Variants in ARHGAP18 observed in about 807,000 individuals in gnomAD.
ARHGAP18 encodes the protein Rho GTPase activating protein 18.
A neutral mutation model predicts 86.2 loss-of-function variants in ARHGAP18; 67 were observed. The ratio of observed to expected loss-of-function variants is 0.78; its 90% CI spans 0.64 to 0.95. The LOEUF (loss-of-function observed/expected upper bound fraction) is 0.95. ARHGAP18 is among the 40% of genes least tolerant of loss of function. The pLI is 0.00. For missense variants in ARHGAP18, 691 were observed against 780.4 expected (o/e 0.89, Z 1.37); for synonymous variants, 283 against 280.4 (o/e 1.01, Z -0.09).
intron 12 of ARHGAP18, among the ~76,000 whole-genome samples, chr6:129,592,006 TA>T (rs367953615): frequency 2.4e-3 from 360 of 152,332 alleles, no homozygotes; most frequent in African/African-American, 8.1e-3. Context: ...CTTAAACTTT[TA>T]TCCAACTCAC....
intron 10 of ARHGAP18, among the ~76,000 whole-genome samples, chr6:129,604,694 CT>C (rs1788817963): frequency 6.6e-6 from 1 of 152,138 alleles, no homozygotes; most frequent in South Asian, 2.1e-4. Flanking sequence ...CTGAGTTGAC[CT>C]CTGTCTCAAA....
intron 7 of ARHGAP18, among the ~76,000 whole-genome samples, chr6:129,614,748 A>AT (rs10556070): frequency 0.01 from 1,357 of 131,530 alleles, 43 homozygotes; most frequent in Admixed American, 0.065. Context: ...GCAGTGACAG[A>AT]TTTTTTTTTT....
intron 5 of ARHGAP18, among the ~76,000 whole-genome samples, chr6:129,623,006 CAAAAAAAAAAAAAA>C (rs57274879): frequency 2.5e-5 from 1 of 39,734 alleles, no homozygotes; most frequent in Non-Finnish European, 6.4e-5. Context: ...CATCTCAAAA[CAAAAAAAAAAAAAA>C]AAAAAAAGGA....
rs577070164 is a variant in ARHGAP18, at chr6:129,608,064, G to GAAAAAAAAAAAAAAAAAA, written c.1123-30_1123-13dup. 1.2e-6 allele frequency: 1 copy of GAAAAAAAAAAAAAAAAAA among 800,210 alleles called. No homozygotes were observed. Among genetic ancestry groups the GAAAAAAAAAAAAAAAAAA allele is most frequent in the African/African-American group, 2.5e-5 (1 of 39,568 alleles). 49.6% of individuals were successfully genotyped at this position (800,210 alleles called of 1,614,324 possible). Reference sequence around the variant, plus strand: ...TCTTGGCAAAGATTCTGATAGGCACGAAAAAAAAAAAAAAAAAAAAAAGAA... The same window carrying GAAAAAAAAAAAAAAAAAA: ...TCTTGGCAAAGATTCTGATAGGCACGAAAAAAAAAAAAAAAAAAAAAAAAAAAAAAAAAAAAAAAAGAA... On this transcript the variant is annotated splice_polypyrimidine_tract_variant and intron_variant, in intron 8 of 14. Coordinates refer to ENST00000368149, the MANE Select transcript of ARHGAP18 (RefSeq NM_033515.3).
intron 1 of ARHGAP18, among the ~76,000 whole-genome samples, chr6:129,687,200 G>C (rs1454543567): frequency 1.3e-5 from 2 of 151,708 alleles, no homozygotes; most frequent in African/African-American, 4.8e-5. Context: ...AGGTATGCAG[G>C]GACCAGTTTC....
At chr6:129,654,729 C>T (rs1773791245) in intron 1 of ARHGAP18, among the ~76,000 whole-genome samples, 1 of 152,224 alleles carries the variant, frequency 6.6e-6, no homozygotes, top group African/African-American at 2.4e-5. Flanking sequence ...TTCCATCCCT[C>T]TGGTTCTCCT....
chr6:129,672,721 A>T (rs183771825), intron 1 of ARHGAP18, among the ~76,000 whole-genome samples: 29 of 152,360 alleles, frequency 1.9e-4, no homozygotes, highest in Middle Eastern at 3.4e-3. Context: ...AATAATGAGG[A>T]TGCTCCTTCC....
intron 1 of ARHGAP18, among the ~76,000 whole-genome samples, chr6:129,669,193 AC>A (rs1220020480): frequency 1.3e-5 from 2 of 149,454 alleles, no homozygotes; most frequent in Non-Finnish European, 3.0e-5. Flanking sequence ...TTTTCTTGAG[AC>A]GGAGTCTCGC....
chr6:129,659,573 T>C (rs1169674959), intron 1 of ARHGAP18, among the ~76,000 whole-genome samples: 1 of 152,194 alleles, frequency 6.6e-6, no homozygotes, highest in East Asian at 1.9e-4. Flanking sequence ...GTTCAAGTGA[T>C]TCTCCTGCCT....
Position 129,577,424 on chromosome 6 carries a change from G to A in ARHGAP18, c.*1089C>T, listed in dbSNP as rs1197997003. 1 of 152,012 alleles carries A rather than the reference G, an allele frequency of 6.6e-6. No individual in the cohort carries two copies. The highest frequency in any genetic ancestry group is 1.5e-5 in the Non-Finnish European group (1 of 67,984). 9.4% of individuals were successfully genotyped at this position (152,012 alleles called of 1,614,324 possible). A position where few individuals can be genotyped will look rare whatever the true frequency, so the allele number is the denominator to read the frequency against. On this transcript the variant is annotated 3_prime_UTR_variant, in exon 15 of 15. Coordinates refer to ENST00000368149, the MANE Select transcript of ARHGAP18 (RefSeq NM_033515.3). ...TACTTCATTTCTTATTTACAGTACAGAGGCTCATCTCTTGTCACAATATGG... is the reference window on the plus strand; with the variant it reads ...TACTTCATTTCTTATTTACAGTACAAAGGCTCATCTCTTGTCACAATATGG...
chr6:129,597,223 G>A (rs1788632390), intron 12 of ARHGAP18, among the ~76,000 whole-genome samples: 1 of 149,988 alleles, frequency 6.7e-6, no homozygotes, highest in Admixed American at 6.7e-5. Flanking sequence ...TTGGCTCACT[G>A]CCTCCCAGGT....
chr6:129,600,499 C>T lies in ARHGAP18; in HGVS notation c.1572+143G>A, dbSNP rs1788715051. ...GACATAATTTTAAAACAGAAATTCA[C>T]AGGGCCCTCCTTACCTATATGAATA... is the stretch of plus-strand genomic sequence containing the variant. On this transcript the variant is annotated intron_variant, in intron 11 of 14. Coordinates refer to ENST00000368149, the MANE Select transcript of ARHGAP18 (RefSeq NM_033515.3). 3 of 594,752 alleles carry T rather than the reference C, an allele frequency of 5.0e-6. No individual in the cohort carries two copies. The African/African-American group carries it at 5.6e-5, about 11-fold the overall frequency. 36.8% of individuals were successfully genotyped at this position (594,752 alleles called of 1,614,324 possible).
chr6:129,709,938 C>T (rs560661921), intron 1 of ARHGAP18, 86 bp downstream of exon 1: 10 of 1,082,448 alleles, frequency 9.2e-6, no homozygotes, highest in Non-Finnish European at 1.4e-5. Context: ...GATGGAATTC[C>T]CTTCTCCCCA....
intron 1 of ARHGAP18, among the ~76,000 whole-genome samples, chr6:129,646,169 G>T (rs1386692269): frequency 6.6e-6 from 1 of 152,112 alleles, no homozygotes; most frequent in African/African-American, 2.4e-5. Context: ...GAAACATATG[G>T]AACTGGGAGT....
rs1184940753 is a variant in ARHGAP18 at position 129,638,641 on chromosome 6, G to A, written c.317-12C>T. The A allele has an allele frequency of 3.1e-6, 5 of 1,601,372 alleles. No individual in the cohort carries two copies. Among genetic ancestry groups the A allele is most frequent in the Admixed American group, 1.8e-5 (1 of 56,782 alleles). On this transcript the variant is annotated splice_polypyrimidine_tract_variant and intron_variant, in intron 2 of 14. Transcript: ENST00000368149. ...TTCCAATTCTCCCTCTAAGACAGTAGAGAAAAGTGGTACTTAAATCACAAA... is the reference window on the plus strand; with the variant it reads ...TTCCAATTCTCCCTCTAAGACAGTAAAGAAAAGTGGTACTTAAATCACAAA...
intron 11 of ARHGAP18, among the ~76,000 whole-genome samples, 158 bp from the exon 12 acceptor site, chr6:129,599,514 A>C (rs1788692760): frequency 6.6e-6 from 1 of 152,202 alleles, no homozygotes; most frequent in Non-Finnish European, 1.5e-5. Context: ...AATCTGTGAA[A>C]AGAAAATACT....
chr6:129,648,574 C>T (rs747723611), intron 1 of ARHGAP18, among the ~76,000 whole-genome samples: 8 of 151,606 alleles, frequency 5.3e-5, no homozygotes, highest in Non-Finnish European at 1.0e-4. Flanking sequence ...AAGTTCAAGA[C>T]CAGCCTGGGC....
In ARHGAP18 at chr6:129,578,145, G is replaced by A. The variant is rs1788217393; in HGVS notation, c.*368C>T. On this transcript the variant is annotated 3_prime_UTR_variant, in exon 15 of 15. Coordinates refer to ENST00000368149, the MANE Select transcript of ARHGAP18 (RefSeq NM_033515.3). ...ATGTGAGGAGGTAATAGAGGTGAGA[G>A]AGCATATATTACAGTATATATGATT... 1 of 151,796 alleles carries A rather than the reference G, an allele frequency of 6.6e-6. No individual in the cohort carries two copies. Among genetic ancestry groups the A allele is most frequent in the South Asian group, 2.1e-4 (1 of 4,784 alleles). The allele number at this position is 151,796 out of a possible 1,614,324, so 9.4% of individuals were successfully genotyped here.
chr6:129,591,634 T>G (rs1327340122), intron 12 of ARHGAP18, among the ~76,000 whole-genome samples: 1 of 152,210 alleles, frequency 6.6e-6, no homozygotes. Context: ...CTAAAAACAC[T>G]GCATTGCTCA....
Sources: gnomAD v4.1 joint callset for allele counts (sites outside exome capture counted in the v4.1 genomes callset) on GRCh38, gnomAD v4.1.1 for gene constraint, MANE v1.5 for transcripts, NCBI Gene and HGNC (gene_info 2026-07-23, HGNC 2026-07-21) for gene names.